The following DOCK2 variants were observed in gnomAD, a reference collection of about 807,000 sequenced individuals.
The protein encoded by DOCK2 is dedicator of cytokinesis protein 2.
In DOCK2, 87 loss-of-function variants were observed where a neutral mutation model predicts 248.9. The ratio of observed to expected loss-of-function variants is 0.35; its 90% CI spans 0.29 to 0.42. The LOEUF (loss-of-function observed/expected upper bound fraction) is 0.42, where lower values mean the gene tolerates loss of function less well. Among genes scored for constraint, DOCK2 ranks in the 10% least tolerant of loss-of-function variants. The pLI, the probability that DOCK2 is intolerant of heterozygous loss-of-function variation, is 1.00. For synonymous variants in DOCK2, 805 were observed against 821.6 expected (o/e 0.98, Z 0.35); for missense variants, 1,747 against 2,300.2 (o/e 0.76, Z 4.92).
chr5:169,952,235 G>A (rs1212959098), intron 27 of DOCK2, among the ~76,000 whole-genome samples: 1 of 152,118 alleles, frequency 6.6e-6, no homozygotes, highest in African/African-American at 2.4e-5. Context: ...TGCAGCACTG[G>A]GAAGAGACCT....
chr5:169,702,927 C>A (rs962798224), intron 14 of DOCK2, among the ~76,000 whole-genome samples: 2 of 152,094 alleles, frequency 1.3e-5, no homozygotes, highest in African/African-American at 4.8e-5. Flanking sequence ...TGGTGGAAAG[C>A]CTTATTCGTA....
In DOCK2 at chr5:169,716,321, G is replaced by A; in HGVS notation, c.2031+19G>A. 1.9e-6 allele frequency: 3 copies of A among 1,611,084 alleles called. No individual in the cohort carries two copies. Among genetic ancestry groups the A allele is most frequent in the Non-Finnish European group, 2.5e-6 (3 of 1,177,498 alleles). ...TGCCTTGGTAAGAGAGAGGGGAAAA[G>A]TGTCTAGTGACAACAGGCATTAATG... On this transcript the variant is annotated intron_variant, in intron 20 of 51. Coordinates refer to ENST00000520908, the MANE Select transcript of DOCK2 (RefSeq NM_004946.3).
chr5:169,746,856 A>G (rs1015013605), intron 22 of DOCK2, among the ~76,000 whole-genome samples: 1 of 152,210 alleles, frequency 6.6e-6, no homozygotes, highest in African/African-American at 2.4e-5. Flanking sequence ...TACATGTTTT[A>G]CAGTGTAGGG....
At chr5:169,643,352 A>C (rs759460358) in intron 1 of DOCK2, among the ~76,000 whole-genome samples, 4 of 63,240 alleles carry the variant, frequency 6.3e-5, no homozygotes, top group Non-Finnish European at 1.2e-4. Context: ...AGTGGTCTGC[A>C]ACCTTTTCAG....
At chr5:169,665,298 A>C (rs1289396634) in intron 2 of DOCK2, among the ~76,000 whole-genome samples, 2 of 135,894 alleles carry the variant, frequency 1.5e-5, no homozygotes, top group African/African-American at 5.5e-5. Flanking sequence ...GTATCAGCAT[A>C]TCTATATATG....
chr5:170,062,100 AGTGT>A lies in DOCK2; in HGVS notation c.4467+4460_4467+4463del, dbSNP rs148650076. Among the ~76,000 whole-genome samples, 1,424 of 144,514 alleles carry A rather than the reference AGTGT, an allele frequency of 9.9e-3. 18 individuals carry two copies. The highest frequency in any genetic ancestry group is 0.031 in the African/African-American group (1,209 of 38,704). The allele number at this position is 144,514 out of a possible 152,430, so 94.8% of individuals were successfully genotyped here. On this transcript the variant is annotated intron_variant, in intron 44 of 51. Transcript: ENST00000520908. ...GTGTATCTATGTGTGTATGTATATGAGTGTGTGTGTGTGTGTGTGTGTGTGTGTG... is the reference window on the plus strand; with the variant it reads ...GTGTATCTATGTGTGTATGTATATGAGTGTGTGTGTGTGTGTGTGTGTGTG...
intron 27 of DOCK2, chr5:169,883,742 C>T (rs1772808509): frequency 6.4e-7 from 1 of 1,551,644 alleles, no homozygotes; most frequent in East Asian, 2.4e-5. Flanking sequence ...ACGTCAACCT[C>T]AGCTAGGCCA....
At chr5:169,698,563 C>T in intron 11 of DOCK2, 114 bp downstream of exon 11, 1 of 1,151,458 alleles carries the variant, frequency 8.7e-7, no homozygotes. Flanking sequence ...GGTGGAGCCT[C>T]CCAAGGGAAG....
At chr5:169,959,850 A>G (rs1777013019) in intron 27 of DOCK2, among the ~76,000 whole-genome samples, 1 of 152,232 alleles carries the variant, frequency 6.6e-6, no homozygotes, top group South Asian at 2.1e-4. Flanking sequence ...CAACAATAGG[A>G]TGGAAAAGAG....
intron 28 of DOCK2, among the ~76,000 whole-genome samples, chr5:169,984,812 C>G (rs929600767): frequency 6.6e-5 from 10 of 152,294 alleles, no homozygotes; most frequent in Admixed American, 3.3e-4. Flanking sequence ...CGGATTTCCT[C>G]TAGATTTTAA....
chr5:169,876,761 C>T (rs963200945), intron 27 of DOCK2, among the ~76,000 whole-genome samples: 5 of 152,220 alleles, frequency 3.3e-5, no homozygotes, highest in Admixed American at 2.6e-4. Flanking sequence ...TTCATTTCCT[C>T]ACCCAGGAGT....
intron 26 of DOCK2, among the ~76,000 whole-genome samples, chr5:169,822,658 A>C (rs946654495): frequency 1.3e-5 from 2 of 152,234 alleles, no homozygotes; most frequent in Non-Finnish European, 2.9e-5. Context: ...TGCCCACAAG[A>C]GAAAGCAGGA....
At chr5:169,737,527 G>A (rs769445051) in intron 22 of DOCK2, among the ~76,000 whole-genome samples, 1 of 152,168 alleles carries the variant, frequency 6.6e-6, no homozygotes, top group South Asian at 2.1e-4. Flanking sequence ...GTTGACTGAA[G>A]CCTGGAAACC....
chr5:169,666,066 T>A (rs1157577987), intron 2 of DOCK2, among the ~76,000 whole-genome samples: 1 of 152,138 alleles, frequency 6.6e-6, no homozygotes, highest in African/African-American at 2.4e-5. Flanking sequence ...ATAAGAGGAA[T>A]TTATTCCTCA....
At chr5:169,829,909 C>T (rs1162418125) in intron 26 of DOCK2, among the ~76,000 whole-genome samples, 3 of 152,084 alleles carry the variant, frequency 2.0e-5, no homozygotes, top group Non-Finnish European at 4.4e-5. Context: ...AGCAGATGAC[C>T]CTGTTCTTCC....
At chr5:169,643,625 T>G (rs1757275891) in intron 1 of DOCK2, among the ~76,000 whole-genome samples, 1 of 152,164 alleles carries the variant, frequency 6.6e-6, no homozygotes, top group African/African-American at 2.4e-5. Flanking sequence ...GCTCACCTCC[T>G]GCTCTGCAGC....
chr5:169,761,595 A>C lies in DOCK2; in HGVS notation c.2524A>C (p.Ile842Leu). 6.2e-7 allele frequency: 1 copy of C among 1,614,078 alleles called. No individual in the cohort carries two copies. The highest frequency in any genetic ancestry group is 8.5e-7 in the Non-Finnish European group (1 of 1,179,952). ...QKQKVQSMNEIVQSNLFKKQE... is the reference protein window; with the variant it reads ...QKQKVQSMNELVQSNLFKKQE... ...GCAGAAAGTACAGTCTATGAATGAG[A>C]TAGTCCAGAGCAACCTCTTTAAAAA... Residue 842 changes from isoleucine (I) to leucine (L), a missense_variant, in exon 25 of 52, where the codon ATA (isoleucine) becomes CTA (leucine). Around this residue, in one of 4 missense-constraint regions of DOCK2, gnomAD observed 858 missense variants for 1,183.5 expected, o/e 0.72. Coordinates refer to ENST00000520908, the MANE Select transcript of DOCK2 (RefSeq NM_004946.3).
At position 169,982,207 on chromosome 5, in the gene DOCK2, A is replaced by T. The variant is rs1777960172; in HGVS notation, c.2800-861A>T. ...GGAAACTTGCAAGAGACAGTCAAAA[A>T]TGACTTCTCACCCCTGGTGGATTCG... On this transcript the variant is annotated intron_variant, in intron 27 of 51. Coordinates refer to ENST00000520908, the MANE Select transcript of DOCK2 (RefSeq NM_004946.3). Among the ~76,000 whole-genome samples the T allele has an allele frequency of 3.3e-5, 5 of 152,138 alleles. No individual in the cohort carries two copies. In the South Asian group the frequency reaches 1.0e-3, roughly 32 times the overall value.
In DOCK2 at chr5:169,761,633, C is replaced by T. The variant is rs762487650; in HGVS notation, c.2554+8C>T. 2.5e-6 allele frequency: 4 copies of T among 1,610,998 alleles called. No homozygotes were observed. Among genetic ancestry groups the T allele is most frequent in the Non-Finnish European group, 1.7e-6 (2 of 1,177,450 alleles). ...ACCTCTTTAAAAAGCAAGGTGAGTA[C>T]ACAGCACCCTTGCTGGGGTGGGGTA... On this transcript the variant is annotated splice_region_variant and intron_variant, in intron 25 of 51. Transcript: ENST00000520908.
Sources: gnomAD v4.1 joint callset for allele counts (sites outside exome capture counted in the v4.1 genomes callset) on GRCh38, gnomAD v4.1.1 for gene constraint, gnomAD v4.1.1 regional missense constraint, MANE v1.5 for transcripts, NCBI Gene and HGNC (gene_info 2026-07-23, HGNC 2026-07-21) for gene names.